CYTH2: variants seen among roughly 807,000 people sequenced by gnomAD.
The protein encoded by CYTH2 is cytohesin 2.
Under a neutral mutation model 55.4 loss-of-function variants are expected in CYTH2, and 24 were observed. The observed-to-expected ratio is 0.43, with a 90% CI of 0.31 to 0.61. The LOEUF is 0.61. Ranked by LOEUF, CYTH2 falls within the 20% of genes least tolerant of loss-of-function variation. The pLI is 0.08. For missense variants in CYTH2, 378 were observed against 533.5 expected, an observed-to-expected ratio of 0.71 and a Z score of 2.87; for synonymous variants, 221 against 209.6, an observed-to-expected ratio of 1.05 and a Z score of -0.47.
chr19:48,479,408 C>T lies in CYTH2; in HGVS notation c.*198C>T, dbSNP rs1039110505. 1.7e-6 allele frequency: 1 copy of T among 591,194 alleles called. No individual in the cohort carries two copies. Among genetic ancestry groups the T allele is most frequent in the Non-Finnish European group, 3.0e-6 (1 of 337,402 alleles). 36.6% of individuals were successfully genotyped at this position (591,194 alleles called of 1,614,324 possible). A position where few individuals can be genotyped will look rare whatever the true frequency, so the allele number is the denominator to read the frequency against. On this transcript the variant is annotated 3_prime_UTR_variant, in exon 12 of 12. Transcript: ENST00000452733. ...ACTTGGCCTGCTGACCCCCTCATTT[C>T]TTGGGGTTGACAGAGTCGAGGTGCT...
Position 48,474,286 on chromosome 19 carries a change from C to A in CYTH2, c.652C>A (p.Arg218=). The change falls in exon 7 of 12, where the codon CGG becomes AGG. Residue 218 remains arginine (R), a synonymous_variant. Transcript: ENST00000452733. This position sits in a 1 kb window ranked among gnomAD's most constrained non-coding sequence, Gnocchi z 4.9. ...PGLERFVAMN[R]GINEGGDLPE... is the part of the protein sequence containing the mutation. ...CCTGGAGCGCTTTGTGGCCATGAAC[C>A]GGGGCATCAACGAGGGCGGGGACCT... 6.2e-7 allele frequency: 1 copy of A among 1,613,270 alleles called. No individual in the cohort carries two copies. The highest frequency in any genetic ancestry group is 1.1e-5 in the South Asian group (1 of 90,990).
rs571340060 is a variant in CYTH2, at chr19:48,479,382, C to T, written c.*172C>T. 2.1e-4 allele frequency: 140 copies of T among 651,200 alleles called. No individual in the cohort carries two copies. In the African/African-American group the frequency reaches 2.3e-3, roughly 11 times the overall value. 40.3% of individuals were successfully genotyped at this position (651,200 alleles called of 1,614,324 possible). On this transcript the variant is annotated 3_prime_UTR_variant, in exon 12 of 12. Coordinates refer to ENST00000452733, the MANE Select transcript of CYTH2 (RefSeq NM_004228.7). ...TTGGTAATCTTATTAATTATTTAAC[C>T]ACTTGGCCTGCTGACCCCCTCATTT...
In CYTH2 at chr19:48,474,441, G is replaced by C. The variant is rs544272639; in HGVS notation, c.696+111G>C. ...GCTGTCTGCCCTCACCCCCAAGATG[G>C]TGCGATCATGCCAACTCGTGTGTGA... On this transcript the variant is annotated intron_variant, in intron 7 of 11. Transcript: ENST00000452733. The surrounding 1 kb of genome is among the most constrained non-coding windows in gnomAD (Gnocchi z 4.9). 1.1e-4 allele frequency: 133 copies of C among 1,165,172 alleles called. No homozygotes were observed. Among genetic ancestry groups the C allele is most frequent in the Non-Finnish European group, 1.3e-4 (114 of 846,850 alleles). The allele number at this position is 1,165,172 out of a possible 1,614,324, so 72.2% of individuals were successfully genotyped here. A position where few individuals can be genotyped will look rare whatever the true frequency, so the allele number is the denominator to read the frequency against.
At chr19:48,477,783 C>T (rs1338174163) in intron 8 of CYTH2, 1 of 464,522 alleles carries the variant, frequency 2.2e-6, no homozygotes. Context: ...CCCTGGCGCC[C>T]TGGCGCCCTG....
intron 3 of CYTH2, among the ~76,000 whole-genome samples, chr19:48,471,166 T>TTGTGTGTGTGTGTGTGTGTGTGTGTGTG (rs372484993): frequency 0.021 from 3,090 of 150,498 alleles, 101 homozygotes; most frequent in African/African-American, 0.065. Flanking sequence ...CACCTACTCT[T>TTGTGTGTGTGTGTGTGTGTGTGTGTGTG]TGTGTGTGTG....
rs1312945408 is a variant in CYTH2 at position 48,480,724 on chromosome 19, G to A, written c.*1514G>A. 6.6e-6 allele frequency: 1 copy of A among 152,254 alleles called. No homozygotes were observed. Among genetic ancestry groups the A allele is most frequent in the Non-Finnish European group, 1.5e-5 (1 of 68,058 alleles). The allele number at this position is 152,254 out of a possible 1,614,324, so 9.4% of individuals were successfully genotyped here. On this transcript the variant is annotated 3_prime_UTR_variant, in exon 12 of 12. Coordinates refer to ENST00000452733, the MANE Select transcript of CYTH2 (RefSeq NM_004228.7). ...AAATGGAGTTCCAAATGAGAAAATAGAATTCCCCACTTCTCTTTCCCACAG... is the reference window on the plus strand; with the variant it reads ...AAATGGAGTTCCAAATGAGAAAATAAAATTCCCCACTTCTCTTTCCCACAG...
chr19:48,474,780 G>C lies in CYTH2; in HGVS notation c.697-58G>C. The C allele has an allele frequency of 7.3e-6, 11 of 1,516,116 alleles. No individual in the cohort carries two copies. The highest frequency in any genetic ancestry group is 6.7e-5 in the South Asian group (6 of 88,938). 93.9% of individuals were successfully genotyped at this position (1,516,116 alleles called of 1,614,324 possible). A position where few individuals can be genotyped will look rare whatever the true frequency, so the allele number is the denominator to read the frequency against. ...CCCTGGTCTCGCTGCCCCCCACCCT[G>C]AGTAACCCTGGGGGGCCCCAGGGGG... On this transcript the variant is annotated intron_variant, in intron 7 of 11. Transcript: ENST00000452733. The surrounding 1 kb of genome is among the most constrained non-coding windows in gnomAD (Gnocchi z 4.9).
At chr19:48,475,099 G>T in intron 8 of CYTH2, 150 bp downstream of exon 8, 4 of 666,036 alleles carry the variant, frequency 6.0e-6, no homozygotes, top group Non-Finnish European at 1.0e-5. Context: ...CAAAAAATGG[G>T]GCTGAAAATA....
chr19:48,472,475 C>CCA, intron 4 of CYTH2, 32 bp downstream of exon 4: 1 of 1,552,130 alleles, frequency 6.4e-7, no homozygotes, highest in Non-Finnish European at 8.8e-7. Flanking sequence ...TGTGGGGCCC[C>CCA]TCCCTCCCAC....
intron 1 of CYTH2, 196 bp from the exon 2 acceptor site, chr19:48,470,157 T>G: frequency 1.1e-6 from 1 of 882,306 alleles, no homozygotes; most frequent in Non-Finnish European, 1.8e-6. Flanking sequence ...ATTCCCCTTG[T>G]CCCCCAGGAC....
At position 48,474,125 on chromosome 19, in the gene CYTH2, T is replaced by C. The variant is rs28433711; in HGVS notation, c.548-57T>C. ...GCTGGGAATCCTGGGTCCTGGGGAA[T>C]GGGGGCACTGGGGACTGACATGCCT... On this transcript the variant is annotated intron_variant, in intron 6 of 11. Transcript: ENST00000452733. This position sits in a 1 kb window ranked among gnomAD's most constrained non-coding sequence, Gnocchi z 4.9. The C allele has an allele frequency of 0.036, 56,333 of 1,551,626 alleles. 5,338 individuals carry two copies. The highest frequency in any genetic ancestry group is 0.36 in the African/African-American group (26,429 of 73,144).
chr19:48,476,060 T>TG (rs748848158), intron 8 of CYTH2: 8 of 517,604 alleles, frequency 1.5e-5, no homozygotes, highest in African/African-American at 1.5e-4. Context: ...CTCTGAGTCT[T>TG]GGGGGCCTCC....
chr19:48,469,974 C>T (rs766398097), intron 1 of CYTH2: 4 of 553,264 alleles, frequency 7.2e-6, no homozygotes, highest in South Asian at 3.1e-5. Context: ...CCCAGTAGTC[C>T]GGATAACCAG....
rs1386018029 is a variant in CYTH2, at chr19:48,480,529, G to C, written c.*1319G>C. 2 of 152,232 alleles carry C rather than the reference G, an allele frequency of 1.3e-5. No homozygotes were observed. The highest frequency in any genetic ancestry group is 2.9e-5 in the Non-Finnish European group (2 of 68,036). The allele number at this position is 152,232 out of a possible 1,614,324, so 9.4% of individuals were successfully genotyped here. On this transcript the variant is annotated 3_prime_UTR_variant, in exon 12 of 12. Coordinates refer to ENST00000452733, the MANE Select transcript of CYTH2 (RefSeq NM_004228.7). ...CGCGGGAAGGTGGACTACAGTTATCGGCAGGCTGTGCGGCGCCAAAGCCAC... is the reference window on the plus strand; with the variant it reads ...CGCGGGAAGGTGGACTACAGTTATCCGCAGGCTGTGCGGCGCCAAAGCCAC...
At chr19:48,472,471 G>GCCCCCCCCCCCCCCCCCCCCAACC in intron 4 of CYTH2, 28 bp downstream of exon 4, 1 of 1,584,682 alleles carries the variant, frequency 6.3e-7, no homozygotes, top group South Asian at 1.1e-5. Context: ...CTCCTGTGGG[G>GCCCCCCCCCCCCCCCCCCCCAACC]CCCCTCCCTC....
chr19:48,475,943 A>G, intron 8 of CYTH2: 1 of 506,364 alleles, frequency 2.0e-6, no homozygotes. Flanking sequence ...CCAGCACAGC[A>G]GTGGAGGCTT....
Position 48,474,472 on chromosome 19 carries a change from TTCTC to T in CYTH2, c.696+150_696+153del, listed in dbSNP as rs951494248. The stretch of plus-strand genomic sequence containing the variant: ...TCATGCCAACTCGTGTGTGATCTTT[TTCTC>T]TCTCTCTGGGTGCTTCTCTTCTTGA... On this transcript the variant is annotated intron_variant, in intron 7 of 11. Transcript: ENST00000452733. This position sits in a 1 kb window ranked among gnomAD's most constrained non-coding sequence, Gnocchi z 4.9. 9 of 959,786 alleles carry T rather than the reference TTCTC, an allele frequency of 9.4e-6. No homozygotes were observed. Among genetic ancestry groups the T allele is most frequent in the South Asian group, 8.9e-5 (5 of 56,044 alleles). The allele number at this position is 959,786 out of a possible 1,614,324, so 59.5% of individuals were successfully genotyped here. A position where few individuals can be genotyped will look rare whatever the true frequency, so the allele number is the denominator to read the frequency against.
chr19:48,472,566 C>A (rs1200761316), intron 4 of CYTH2, 123 bp downstream of exon 4: 2 of 823,926 alleles, frequency 2.4e-6, no homozygotes, highest in Non-Finnish European at 4.1e-6. Flanking sequence ...GGGGCCCTGG[C>A]AGATCAGCCT....
intron 5 of CYTH2, 130 bp from the exon 6 acceptor site, chr19:48,473,775 C>A: frequency 1.4e-6 from 1 of 705,598 alleles, no homozygotes; most frequent in Admixed American, 2.9e-5. Flanking sequence ...GATCATGTGA[C>A]CATACCTGAA....
Sources: allele counts gnomAD v4.1 joint callset (sites outside exome capture counted in the v4.1 genomes callset), GRCh38; gene constraint gnomAD v4.1.1; non-coding constraint Gnocchi (gnomAD v3.1); transcripts MANE v1.5; gene names NCBI Gene and HGNC (gene_info 2026-07-23, HGNC 2026-07-21).